TMEM114: variants seen among roughly 807,000 people sequenced by gnomAD.
TMEM114 encodes transmembrane protein 114.
TMEM114 carries 6 observed loss-of-function variants against 6.2 expected under a neutral mutation model. The ratio of observed to expected loss-of-function variants is 0.97; its 90% CI spans 0.53 to 1.91. TMEM114 has a LOEUF of 1.91. TMEM114 is among the 40% of genes most tolerant of loss of function. The pLI is 0.01. For synonymous variants in TMEM114, 104 were observed against 73.0 expected (o/e 1.42, Z -2.16); for missense variants, 218 against 158.3 (o/e 1.38, Z -2.02).
intron 3 of TMEM114, among the ~76,000 whole-genome samples, chr16:8,570,299 A>G (rs1176866864): frequency 1.4e-5 from 2 of 147,514 alleles, no homozygotes; most frequent in Non-Finnish European, 3.0e-5. Flanking sequence ...CCAGGTCACA[A>G]TTGCAACTTT....
intron 2 of TMEM114, among the ~76,000 whole-genome samples, chr16:8,572,723 A>G (rs1030696103): frequency 1.3e-5 from 2 of 152,212 alleles, no homozygotes; most frequent in African/African-American, 4.8e-5. Flanking sequence ...GGTGTGAGCC[A>G]CTGTGCCTGG....
At chr16:8,537,983 G>A (rs1222157720) in intron 2 of TMEM114, among the ~76,000 whole-genome samples, 3 of 151,968 alleles carry the variant, frequency 2.0e-5, no homozygotes, top group Admixed American at 6.6e-5. Flanking sequence ...GGCAGGGGTG[G>A]GTGGGGGGCA....
chr16:8,559,718 C>G (rs943107836), intron 2 of TMEM114, among the ~76,000 whole-genome samples: 6 of 151,848 alleles, frequency 4.0e-5, no homozygotes, highest in African/African-American at 1.4e-4. Flanking sequence ...CCATGCCACC[C>G]TCACAAGGAG....
chr16:8,552,050 A>T (rs1306480736), intron 2 of TMEM114, among the ~76,000 whole-genome samples: 1 of 152,108 alleles, frequency 6.6e-6, no homozygotes, highest in African/African-American at 2.4e-5. Flanking sequence ...AAGCTAGAGG[A>T]CAGAGGAGTG....
chr16:8,566,471 G>A (rs1901549437), downstream of TMEM114, among the ~76,000 whole-genome samples: 1 of 145,516 alleles, frequency 6.9e-6, no homozygotes, highest in African/African-American at 2.5e-5. Flanking sequence ...GAACACAACA[G>A]AATGGATCAG....
downstream of TMEM114, among the ~76,000 whole-genome samples, chr16:8,566,376 C>CAAAA (rs71150401): frequency 3.1e-3 from 442 of 142,838 alleles, 18 homozygotes; most frequent in Middle Eastern, 7.0e-3. Flanking sequence ...GACGCAGTCT[C>CAAAA]AAAAAAAAAA....
intron 2 of TMEM114, among the ~76,000 whole-genome samples, chr16:8,564,489 A>G (rs62646491): frequency 1.1e-4 from 11 of 96,998 alleles, no homozygotes; most frequent in African/African-American, 1.4e-4. Context: ...GAGGGAATGA[A>G]TGAGTGAATG....
chr16:8,558,766 G>T (rs773896891), intron 2 of TMEM114, among the ~76,000 whole-genome samples: 4 of 150,602 alleles, frequency 2.7e-5, no homozygotes, highest in African/African-American at 9.8e-5. Context: ...TTTCGACATG[G>T]AGTTTACTCT....
At chr16:8,554,368 C>A (rs1460481544) in intron 2 of TMEM114, among the ~76,000 whole-genome samples, 2 of 151,956 alleles carry the variant, frequency 1.3e-5, no homozygotes, top group African/African-American at 4.8e-5. Flanking sequence ...CTGCAGTGAT[C>A]TATGATTGCA....
chr16:8,578,138 G>A (rs1451145892), intron 2 of TMEM114, among the ~76,000 whole-genome samples: 3 of 152,218 alleles, frequency 2.0e-5, no homozygotes, highest in South Asian at 2.1e-4. Context: ...GGGCAGTGGC[G>A]GTGGGGGGGC....
chr16:8,569,485 C>T, downstream of TMEM114: 1 of 1,298,256 alleles, frequency 7.7e-7, no homozygotes, highest in South Asian at 2.0e-5. Context: ...ACTTTGCAAT[C>T]TGTAAAGCTC....
intron 3 of TMEM114, 123 bp from the exon 4 acceptor site, chr16:8,570,128 G>T: frequency 7.6e-7 from 1 of 1,324,312 alleles, no homozygotes; most frequent in Non-Finnish European, 1.0e-6. Context: ...TCCTGCTGCG[G>T]GACCTTTGCG....
downstream of TMEM114, among the ~76,000 whole-genome samples, chr16:8,535,225 C>G (rs1325610472): frequency 6.7e-6 from 1 of 149,274 alleles, no homozygotes; most frequent in Non-Finnish European, 1.5e-5. Context: ...TACTAAGGCA[C>G]TAGGAAGGGT....
At chr16:8,529,884 T>C in the TMEM114 span, among the ~76,000 whole-genome samples, 14 of 152,164 alleles carry the variant, frequency 9.2e-5, no homozygotes, top group Non-Finnish European at 7.3e-5. Context: ...GCTAGAAGAA[T>C]TTTAGGCTCT....
At chr16:8,546,441 C>G (rs1174538942) in intron 2 of TMEM114, among the ~76,000 whole-genome samples, 3 of 152,172 alleles carry the variant, frequency 2.0e-5, no homozygotes, top group Admixed American at 6.5e-5. Flanking sequence ...AAGATGAACC[C>G]TGACCCAAAA....
chr16:8,564,821 G>GTGAGTGA (rs1901473025), downstream of TMEM114, among the ~76,000 whole-genome samples: 1 of 149,682 alleles, frequency 6.7e-6, no homozygotes, highest in African/African-American at 2.5e-5. Context: ...GAATGAGTGA[G>GTGAGTGA]TGAGTGATGG....
In TMEM114 at chr16:8,590,455, G is replaced by A. The variant is rs955612005; in HGVS notation, c.-617C>T. ...AGGGTCTTCCCGCAGCTCCTGCTCT[G>A]GCCGGGGCGCAGCTGACCCTCTGAG... On this transcript the variant is annotated 5_prime_UTR_variant, in exon 1 of 4. Coordinates refer to ENST00000620492, the MANE Select transcript of TMEM114 (RefSeq NM_001146336.2). Among the ~76,000 whole-genome samples the A allele has an allele frequency of 2.0e-5, 3 of 152,144 alleles. No individual in the cohort carries two copies. The highest frequency in any genetic ancestry group is 4.4e-5 in the Non-Finnish European group (3 of 68,040).
intron 2 of TMEM114, among the ~76,000 whole-genome samples, chr16:8,560,925 G>A (rs1228096346): frequency 6.6e-6 from 1 of 152,200 alleles, no homozygotes; most frequent in Non-Finnish European, 1.5e-5. Flanking sequence ...TGGCTGGGGA[G>A]GCCTCACAAT....
chr16:8,564,217 G>C (rs1257704994), intron 2 of TMEM114, among the ~76,000 whole-genome samples: 1 of 144,088 alleles, frequency 6.9e-6, no homozygotes, highest in Non-Finnish European at 1.5e-5. Context: ...GAATGAGTGA[G>C]TTAGTGAATG....
Sources: allele counts gnomAD v4.1 joint callset (sites outside exome capture counted in the v4.1 genomes callset), GRCh38; gene constraint gnomAD v4.1.1; transcripts MANE v1.5; gene names NCBI Gene and HGNC (gene_info 2026-07-23, HGNC 2026-07-21).